EXOC2: variants seen among roughly 807,000 people sequenced by gnomAD.
EXOC2 encodes the protein SEC5-like 1.
Under a neutral mutation model 131.8 loss-of-function variants are expected in EXOC2, and 70 were observed. That is an observed-to-expected ratio of 0.53 (90% confidence interval 0.44 to 0.65). The LOEUF is 0.65. Ranked by LOEUF, EXOC2 falls within the 30% of genes least tolerant of loss-of-function variation. EXOC2 has a pLI of 0.00. For missense variants in EXOC2, 923 were observed against 1,108.6 expected (o/e 0.83, Z 2.38); for synonymous variants, 411 against 398.4 (o/e 1.03, Z -0.38).
intron 12 of EXOC2, among the ~76,000 whole-genome samples, 176 bp from the exon 13 acceptor site, chr6:572,820 C>T (rs1224180891): frequency 2.0e-5 from 3 of 152,254 alleles, no homozygotes; most frequent in Non-Finnish European, 4.4e-5. Context: ...GTACGCTCGT[C>T]ACCAGACACC....
intron 1 of EXOC2, among the ~76,000 whole-genome samples, chr6:682,502 G>A (rs1257722918): frequency 2.6e-5 from 4 of 151,934 alleles, no homozygotes; most frequent in Admixed American, 2.0e-4. Flanking sequence ...GCCCGGCCCC[G>A]AGTTTCTAAA....
At chr6:627,243 CAAAAAAAAAAA>C (rs144043704) in intron 4 of EXOC2, among the ~76,000 whole-genome samples, 26 of 118,932 alleles carry the variant, frequency 2.2e-4, no homozygotes, top group Admixed American at 6.6e-4. Flanking sequence ...TGACAGTATC[CAAAAAAAAAAA>C]AAAAAAAAAA....
intron 12 of EXOC2, among the ~76,000 whole-genome samples, chr6:574,975 A>G (rs1376500749): frequency 1.3e-5 from 2 of 152,280 alleles, no homozygotes; most frequent in African/African-American, 4.8e-5. Context: ...CAAGGTGAAA[A>G]ACAGGACAAG....
chr6:494,131 A>C (rs1214508049), intron 25 of EXOC2, among the ~76,000 whole-genome samples: 1 of 152,252 alleles, frequency 6.6e-6, no homozygotes, highest in Admixed American at 6.5e-5. Flanking sequence ...ATAATATCAA[A>C]GATCTGATAC....
At chr6:578,464 G>A (rs1758706759) in intron 11 of EXOC2, among the ~76,000 whole-genome samples, 1 of 152,208 alleles carries the variant, frequency 6.6e-6, no homozygotes, top group Non-Finnish European at 1.5e-5. Flanking sequence ...ACGCTAAGCA[G>A]AGGAGGTAAA....
In EXOC2 at chr6:564,708, A is replaced by G; in HGVS notation, c.1510-6T>C. 1.3e-6 allele frequency: 2 copies of G among 1,586,668 alleles called. No homozygotes were observed. The highest frequency in any genetic ancestry group is 1.7e-6 in the Non-Finnish European group (2 of 1,165,710). ...ATTACTTCCTGAATCATTTTCTAGA[A>G]AACCAGGAACAAGCATAACCGTGTT... On this transcript the variant is annotated splice_polypyrimidine_tract_variant and splice_region_variant and intron_variant, in intron 14 of 27. Coordinates refer to ENST00000230449, the MANE Select transcript of EXOC2 (RefSeq NM_018303.6).
At chr6:502,379 A>G (rs1764268649) in intron 23 of EXOC2, among the ~76,000 whole-genome samples, 1 of 152,186 alleles carries the variant, frequency 6.6e-6, no homozygotes, top group South Asian at 2.1e-4. Flanking sequence ...AATGTAAAAG[A>G]AAAGAGTGGG....
chr6:642,885 A>G (rs1762418128), intron 1 of EXOC2, among the ~76,000 whole-genome samples: 1 of 152,048 alleles, frequency 6.6e-6, no homozygotes, highest in African/African-American at 2.4e-5. Context: ...TACTGGAAGA[A>G]AAAAAGTCTG....
Position 676,106 on chromosome 6 carries a change from ACGGAAAGGACAGG to A in EXOC2, c.-44+16900_-44+16912del, listed in dbSNP as rs1417635015. ...GCGGTTCCCCATACTCTTCAACATT[ACGGAAAGGACAGG>A]TTCCTCTGGAGACTCTGAGGTTCCC... On this transcript the variant is annotated intron_variant, in intron 1 of 27. Transcript: ENST00000230449. Among the ~76,000 whole-genome samples, 3 of 76,234 alleles carry A rather than the reference ACGGAAAGGACAGG, an allele frequency of 3.9e-5. No homozygotes were observed. In the East Asian group the frequency reaches 3.1e-3, roughly 78 times the overall value. The allele number at this position is 76,234 out of a possible 152,430, so 50.0% of individuals were successfully genotyped here.
chr6:568,531 G>T (rs184444988), intron 13 of EXOC2, among the ~76,000 whole-genome samples: 2 of 152,120 alleles, frequency 1.3e-5, no homozygotes, highest in Non-Finnish European at 2.9e-5. Context: ...AGATCTCTTC[G>T]TGTATGTGTG....
intron 1 of EXOC2, among the ~76,000 whole-genome samples, chr6:666,397 T>C (rs931297545): frequency 9.9e-6 from 1 of 100,876 alleles, no homozygotes; most frequent in African/African-American, 2.9e-5. Context: ...ATGTTACTTA[T>C]GTTTACAACA....
chr6:691,783 G>A (rs1764938695), intron 1 of EXOC2, among the ~76,000 whole-genome samples: 2 of 152,326 alleles, frequency 1.3e-5, no homozygotes, highest in Admixed American at 6.5e-5. Flanking sequence ...AAGAAAAAAA[G>A]ATCACTTTCT....
At chr6:528,079 CTAGAA>C (rs1765850762) in intron 23 of EXOC2, among the ~76,000 whole-genome samples, 1 of 152,040 alleles carries the variant, frequency 6.6e-6, no homozygotes, top group African/African-American at 2.4e-5. Flanking sequence ...TCAGAACTAA[CTAGAA>C]TAATCTTTAC....
At chr6:650,394 C>G (rs969642801) in intron 1 of EXOC2, among the ~76,000 whole-genome samples, 1 of 152,186 alleles carries the variant, frequency 6.6e-6, no homozygotes, top group South Asian at 2.1e-4. Flanking sequence ...AATTCAGCAA[C>G]TAATGCATGA....
At chr6:666,865 TTC>T (rs1763657672) in intron 1 of EXOC2, among the ~76,000 whole-genome samples, 1 of 96,704 alleles carries the variant, frequency 1.0e-5, no homozygotes, top group South Asian at 3.4e-4. Context: ...GGCAATTATG[TTC>T]TTTTTTTTTT....
chr6:602,929 A>T (rs943400964), intron 7 of EXOC2, among the ~76,000 whole-genome samples: 2 of 152,242 alleles, frequency 1.3e-5, no homozygotes, highest in African/African-American at 4.8e-5. Flanking sequence ...ACAACGGAAC[A>T]AACATCTTTG....
At chr6:663,460 T>C (rs534014262) in intron 1 of EXOC2, among the ~76,000 whole-genome samples, 1 of 151,914 alleles carries the variant, frequency 6.6e-6, no homozygotes, top group African/African-American at 2.4e-5. Context: ...CACCCTAATA[T>C]CAAAACCAGG....
At position 660,860 on chromosome 6, in the gene EXOC2, G is replaced by C. The variant is rs986008907; in HGVS notation, c.-43-22999C>G. On this transcript the variant is annotated intron_variant, in intron 1 of 27. Coordinates refer to ENST00000230449, the MANE Select transcript of EXOC2 (RefSeq NM_018303.6). ...GTTAGTTATTAAGCTAATCAAGGAGGGATCAGGGAAAGGCGGAGCCCAATG... is the reference window on the plus strand; with the variant it reads ...GTTAGTTATTAAGCTAATCAAGGAGCGATCAGGGAAAGGCGGAGCCCAATG... Among the ~76,000 whole-genome samples the C allele has an allele frequency of 2.0e-5, 3 of 152,122 alleles. No individual in the cohort carries two copies. The East Asian group carries it at 5.8e-4, about 29-fold the overall frequency.
intron 25 of EXOC2, among the ~76,000 whole-genome samples, chr6:494,764 AG>A (rs1763619504): frequency 6.6e-6 from 1 of 152,230 alleles, no homozygotes; most frequent in Admixed American, 6.5e-5. Flanking sequence ...GTGCTGTATC[AG>A]TAATTTATTC....
Sources: allele counts gnomAD v4.1 joint callset (sites outside exome capture counted in the v4.1 genomes callset), GRCh38; gene constraint gnomAD v4.1.1; transcripts MANE v1.5; gene names NCBI Gene and HGNC (gene_info 2026-07-23, HGNC 2026-07-21).